EPB41L3: variants seen among roughly 807,000 people sequenced by gnomAD.
EPB41L3 encodes erythrocyte membrane protein band 4.1 like 3.
In EPB41L3, 57 loss-of-function variants were observed where a neutral mutation model predicts 127.1. That is an observed-to-expected ratio of 0.45 (90% confidence interval 0.36 to 0.56). The LOEUF is 0.56. Among genes scored for constraint, EPB41L3 ranks in the 20% least tolerant of loss-of-function variants. The pLI is 0.00. For missense variants in EPB41L3, 1,273 were observed against 1,372.2 expected, an observed-to-expected ratio of 0.93 and a Z score of 1.14; for synonymous variants, 572 against 549.5, an observed-to-expected ratio of 1.04 and a Z score of -0.57.
At chr18:5,455,020 C>T (rs748697833) in intron 3 of EPB41L3, among the ~76,000 whole-genome samples, 5 of 152,200 alleles carry the variant, frequency 3.3e-5, no homozygotes, top group African/African-American at 4.8e-5. Context: ...ATTTAAACCT[C>T]TCTGAGCTTC....
At chr18:5,403,784 T>C (rs2074914826) in intron 16 of EPB41L3, among the ~76,000 whole-genome samples, 1 of 152,132 alleles carries the variant, frequency 6.6e-6, no homozygotes, top group Admixed American at 6.5e-5. Flanking sequence ...TACTGTTTAA[T>C]TGAAGTAGGC....
intron 16 of EPB41L3, chr18:5,398,542 T>C (rs1470279888): frequency 2.0e-5 from 8 of 403,392 alleles, no homozygotes; most frequent in Non-Finnish European, 3.0e-5. Context: ...GCTCTCAACA[T>C]AAAGCCAAGC....
intron 1 of EPB41L3, among the ~76,000 whole-genome samples, chr18:5,519,931 A>G (rs1214651818): frequency 6.6e-6 from 1 of 152,192 alleles, no homozygotes; most frequent in East Asian, 1.9e-4. Flanking sequence ...GGCTAGGACA[A>G]CTCAAACCTA....
chr18:5,538,345 A>G (rs990126872), intron 1 of EPB41L3, among the ~76,000 whole-genome samples: 2 of 152,246 alleles, frequency 1.3e-5, no homozygotes, highest in African/African-American at 4.8e-5. Context: ...TCTCCAATCC[A>G]CTAACATCCA....
chr18:5,400,791 A>G (rs990549039), intron 16 of EPB41L3: 74 of 583,630 alleles, frequency 1.3e-4, no homozygotes, highest in Middle Eastern at 5.6e-4. Context: ...ATAACTGATA[A>G]CTAAAATATT....
In EPB41L3 at chr18:5,543,481, G is replaced by C. The variant is rs1482669256; in HGVS notation, c.-12+432C>G. On this transcript the variant is annotated intron_variant, in intron 1 of 22. Transcript: ENST00000341928. This position sits in a 1 kb window ranked among gnomAD's most constrained non-coding sequence, Gnocchi z 5.2. ...ACCTCCCCGGGGGAGGGGCCGGCCCGCGCTCGCCCCCAGCCCGAGGGGCAA... is the reference window on the plus strand; with the variant it reads ...ACCTCCCCGGGGGAGGGGCCGGCCCCCGCTCGCCCCCAGCCCGAGGGGCAA... 6.8e-6 allele frequency: 1 copy of C among 146,994 alleles called. No homozygotes were observed. The highest frequency in any genetic ancestry group is 1.5e-5 in the Non-Finnish European group (1 of 66,110). 9.1% of individuals were successfully genotyped at this position (146,994 alleles called of 1,614,324 possible). A position where few individuals can be genotyped will look rare whatever the true frequency, so the allele number is the denominator to read the frequency against.
chr18:5,544,161 G>A, upstream of EPB41L3: 1 of 985,522 alleles, frequency 1.0e-6, no homozygotes, highest in Non-Finnish European at 1.2e-6. Flanking sequence ...CCGCGGGGGA[G>A]GGGGCCACCG....
intron 1 of EPB41L3, among the ~76,000 whole-genome samples, chr18:5,541,977 C>T (rs1460623782): frequency 6.6e-6 from 1 of 152,206 alleles, no homozygotes; most frequent in Non-Finnish European, 1.5e-5. Flanking sequence ...CTTTTCTAAA[C>T]CACCAGAAAA....
chr18:5,415,045 C>A (rs2076630846), intron 13 of EPB41L3, among the ~76,000 whole-genome samples: 1 of 152,214 alleles, frequency 6.6e-6, no homozygotes, highest in African/African-American at 2.4e-5. Context: ...TTGAAAGAAT[C>A]GCTGTCATAT....
rs961693408 is a variant in EPB41L3 at position 5,557,909 on chromosome 18, C to A, written c.-306+54431G>T. ...CAAAACCCTGAGTTTTAACTATAAACAAACTCAACTAAATTCTTTAGAATA... is the reference window on the plus strand; with the variant it reads ...CAAAACCCTGAGTTTTAACTATAAAAAAACTCAACTAAATTCTTTAGAATA... On this transcript the variant is annotated intron_variant, in intron 3 of 21. Transcript: ENST00000545076. 9.9e-5 allele frequency among the ~76,000 whole-genome samples: 15 copies of A among 152,280 alleles called. No individual in the cohort carries two copies. In the South Asian group the frequency reaches 1.5e-3, roughly 15 times the overall value.
rs915881161 is a variant in EPB41L3, at chr18:5,424,131, T to C, written c.1163+131A>G. The stretch of plus-strand genomic sequence containing the variant: ...TTTCTAGTTCTCTTAGGATTTCTTA[T>C]CAAGAAATATGGTGACAATGAACTT... On this transcript the variant is annotated intron_variant, in intron 10 of 22. Transcript: ENST00000341928. 16 of 640,874 alleles carry C rather than the reference T, an allele frequency of 2.5e-5. No homozygotes were observed. In the African/African-American group the frequency reaches 2.7e-4, roughly 11 times the overall value. The allele number at this position is 640,874 out of a possible 1,614,324, so 39.7% of individuals were successfully genotyped here.
intron 1 of EPB41L3, among the ~76,000 whole-genome samples, chr18:5,623,312 T>A (rs1159713080): frequency 6.6e-6 from 1 of 152,234 alleles, no homozygotes; most frequent in South Asian, 2.1e-4. Flanking sequence ...CAGCTCTTAA[T>A]CATTCAGAGC....
chr18:5,625,287 G>A (rs917542376), intron 1 of EPB41L3, among the ~76,000 whole-genome samples: 8 of 151,924 alleles, frequency 5.3e-5, no homozygotes, highest in African/African-American at 1.9e-4. Context: ...AATCCAAGCA[G>A]GAGGTAGCAA....
upstream of EPB41L3, among the ~76,000 whole-genome samples, chr18:5,547,183 T>C (rs942809641): frequency 1.3e-5 from 2 of 152,204 alleles, no homozygotes; most frequent in African/African-American, 4.8e-5. Context: ...ATGATTGAAT[T>C]TGCTTGCTTT....
At chr18:5,529,926 A>ATGTGTGTGTGTG (rs762060217) in intron 1 of EPB41L3, among the ~76,000 whole-genome samples, 34 of 91,504 alleles carry the variant, frequency 3.7e-4, no homozygotes, top group Non-Finnish European at 7.3e-4. Context: ...ATCAACTCAT[A>ATGTGTGTGTGTG]TATGTGTGTG....
chr18:5,538,042 T>C (rs2093620908), intron 1 of EPB41L3, among the ~76,000 whole-genome samples: 3 of 152,252 alleles, frequency 2.0e-5, no homozygotes, highest in Admixed American at 6.5e-5. Context: ...TCATGTTGTA[T>C]AGCACTCTGC....
chr18:5,546,253 C>T (rs2093879417), upstream of EPB41L3, among the ~76,000 whole-genome samples: 1 of 152,116 alleles, frequency 6.6e-6, no homozygotes, highest in African/African-American at 2.4e-5. Flanking sequence ...CCTATCTAAG[C>T]CAGGCGCAGT....
chr18:5,541,252 C>CAA (rs370717420), intron 1 of EPB41L3, among the ~76,000 whole-genome samples: 19,555 of 46,648 alleles, frequency 0.42, 7,573 homozygotes, highest in Middle Eastern at 0.56. Flanking sequence ...GACTCCATCT[C>CAA]AAAAAAAAAA....
intron 3 of EPB41L3, among the ~76,000 whole-genome samples, chr18:5,565,727 T>C (rs74717993): frequency 0.3 from 44,672 of 150,512 alleles, 8,248 homozygotes; most frequent in Non-Finnish European, 0.4. Flanking sequence ...TGTTTGGTTT[T>C]TTGTCCTTGC....
Sources: gnomAD v4.1 joint callset for allele counts (sites outside exome capture counted in the v4.1 genomes callset) on GRCh38, gnomAD v4.1.1 for gene constraint, Gnocchi (gnomAD v3.1) non-coding constraint, MANE v1.5 for transcripts, NCBI Gene and HGNC (gene_info 2026-07-23, HGNC 2026-07-21) for gene names.